The following ELP3 variants were observed in gnomAD, a reference collection of about 807,000 sequenced individuals.
ELP3 encodes the protein elongator acetyltransferase complex subunit 3, also known as elongator complex protein 3.
In ELP3, 56 loss-of-function variants were observed where a neutral mutation model predicts 74.9. That is an observed-to-expected ratio of 0.75 (90% CI 0.60 to 0.93). ELP3 has a LOEUF of 0.93. ELP3 is among the 40% of genes least tolerant of loss of function. The probability of loss-of-function intolerance (pLI) is 0.00; values close to 1 mark genes in which losing one functional copy is unlikely to be tolerated. For synonymous variants in ELP3, 222 were observed against 239.8 expected (o/e 0.93, Z 0.68); for missense variants, 573 against 686.5 (o/e 0.83, Z 1.85).
At chr8:28,146,954 C>T (rs1170447953) in intron 10 of ELP3, among the ~76,000 whole-genome samples, 1 of 152,220 alleles carries the variant, frequency 6.6e-6, no homozygotes, top group Admixed American at 6.5e-5. Context: ...GACTTGTGCT[C>T]TCTGGTAATC....
At chr8:28,163,839 C>T (rs1814201758) in intron 14 of ELP3, among the ~76,000 whole-genome samples, 2 of 152,152 alleles carry the variant, frequency 1.3e-5, no homozygotes, top group African/African-American at 4.8e-5. Flanking sequence ...TACAAATCAC[C>T]TGGAGATCTT....
intron 7 of ELP3, among the ~76,000 whole-genome samples, chr8:28,126,431 G>C (rs1812580253): frequency 6.6e-6 from 1 of 152,174 alleles, no homozygotes; most frequent in South Asian, 2.1e-4. Flanking sequence ...ATGGCATACA[G>C]AAAAGCGTAG....
At chr8:28,154,921 A>G (rs1271945306) in intron 10 of ELP3, among the ~76,000 whole-genome samples, 1 of 151,882 alleles carries the variant, frequency 6.6e-6, no homozygotes, top group Admixed American at 6.6e-5. Flanking sequence ...TTGTATGGCA[A>G]CTCTCCTGGC....
At chr8:28,122,489 A>G (rs1490757670) in intron 7 of ELP3, among the ~76,000 whole-genome samples, 1 of 152,174 alleles carries the variant, frequency 6.6e-6, no homozygotes, top group East Asian at 1.9e-4. Context: ...ATATAGAGCT[A>G]TTCATATTTT....
chr8:28,180,296 G>A (rs1814953279), intron 14 of ELP3, among the ~76,000 whole-genome samples: 1 of 152,094 alleles, frequency 6.6e-6, no homozygotes, highest in Non-Finnish European at 1.5e-5. Flanking sequence ...TATCCACTGT[G>A]TCTAATACCC....
At chr8:28,175,469 T>C (rs188011968) in intron 14 of ELP3, among the ~76,000 whole-genome samples, 1 of 152,340 alleles carries the variant, frequency 6.6e-6, no homozygotes, top group East Asian at 1.9e-4. Flanking sequence ...AGAATTTCTA[T>C]TTTTTAATAT....
intron 9 of ELP3, 98 bp downstream of exon 9, chr8:28,132,502 T>A (rs1812821298): frequency 1.4e-6 from 2 of 1,457,292 alleles, no homozygotes; most frequent in African/African-American, 2.8e-5. Context: ...TTTCCAGTGT[T>A]AAAGAAATGC....
At chr8:28,139,724 T>C (rs972023135) in intron 10 of ELP3, among the ~76,000 whole-genome samples, 2 of 152,044 alleles carry the variant, frequency 1.3e-5, no homozygotes, top group African/African-American at 2.4e-5. Flanking sequence ...GTGGGCGGAT[T>C]ACCTGAGGTC....
At position 28,106,776 on chromosome 8, in the gene ELP3, A is replaced by G; in HGVS notation, c.322A>G (p.Ile108Val). Reference sequence around the variant, plus strand: ...TCCACACATCAGTTTTACAGGAAATATATGTGTGTAAGTATGGTGATTTTA... The same window carrying G: ...TCCACACATCAGTTTTACAGGAAATGTATGTGTGTAAGTATGGTGATTTTA... The part of the protein sequence containing the change: ...RCPHISFTGN[I>V]CVYCPGGPDS... The change falls in exon 4 of 15, where the codon ATA (isoleucine) becomes GTA (valine). Residue 108 changes from isoleucine (I) to valine (V), a missense_variant. Ile to Val is a conservative substitution (Grantham distance 29). Coordinates refer to ENST00000256398, the MANE Select transcript of ELP3 (RefSeq NM_018091.6). 1.9e-6 allele frequency: 3 copies of G among 1,611,544 alleles called. No individual in the cohort carries two copies. The highest frequency in any genetic ancestry group is 2.2e-5 in the East Asian group (1 of 44,860).
chr8:28,110,403 G>A lies in ELP3; in HGVS notation c.427G>A (p.Asp143Asn). The A allele has an allele frequency of 6.2e-7, 1 of 1,613,800 alleles. No individual in the cohort carries two copies. Among genetic ancestry groups the A allele is most frequent in the Non-Finnish European group, 8.5e-7 (1 of 1,179,914 alleles). The change falls in exon 6 of 15, where the codon GAC becomes AAC. Residue 143 changes from aspartate to asparagine, a missense_variant. By Grantham distance (23) the Asp-to-Asn change is conservative. Coordinates refer to ENST00000256398, the MANE Select transcript of ELP3 (RefSeq NM_018091.6). ...CATGAGAGCTATCCGTGCCAGATAT[G>A]ACCCTTTCCTACAGACAAGACACCG... ...TSMRAIRARY[D>N]PFLQTRHRIE...
chr8:28,146,837 A>G (rs1027697674), intron 10 of ELP3, among the ~76,000 whole-genome samples: 1 of 152,256 alleles, frequency 6.6e-6, no homozygotes, highest in South Asian at 2.1e-4. Context: ...CGATACTACC[A>G]AAGACCATTG....
At chr8:28,129,246 G>C (rs113097543) in intron 7 of ELP3, 10 of 361,454 alleles carry the variant, frequency 2.8e-5, no homozygotes, top group Non-Finnish European at 4.6e-5. Flanking sequence ...GCTCAGTCAC[G>C]TCAATCTTAT....
At chr8:28,119,675 A>G (rs1294276054) in intron 7 of ELP3, among the ~76,000 whole-genome samples, 3 of 144,830 alleles carry the variant, frequency 2.1e-5, no homozygotes, top group Non-Finnish European at 1.5e-5. Flanking sequence ...TGACAAATGC[A>G]TATACCTGTG....
At chr8:28,141,907 C>T (rs1813252549) in intron 10 of ELP3, among the ~76,000 whole-genome samples, 1 of 152,184 alleles carries the variant, frequency 6.6e-6, no homozygotes, top group African/African-American at 2.4e-5. Context: ...ATTTCACATC[C>T]AGAAATACCG....
intron 10 of ELP3, among the ~76,000 whole-genome samples, chr8:28,140,471 T>G (rs915128042): frequency 6.6e-6 from 1 of 152,184 alleles, no homozygotes. Context: ...TCTTCATCAT[T>G]CTCAGATTCC....
At chr8:28,180,708 C>G (rs866044315) in intron 14 of ELP3, among the ~76,000 whole-genome samples, 1 of 152,308 alleles carries the variant, frequency 6.6e-6, no homozygotes, top group African/African-American at 2.4e-5. Context: ...TTCCTTTAGC[C>G]AGGCATCTCA....
chr8:28,102,294 C>G (rs1298733025), intron 3 of ELP3, among the ~76,000 whole-genome samples: 2 of 152,204 alleles, frequency 1.3e-5, no homozygotes, highest in African/African-American at 4.8e-5. Context: ...CTTGCTTATT[C>G]ACCTTTCCTG....
chr8:28,112,247 G>T (rs1037905285), intron 6 of ELP3, among the ~76,000 whole-genome samples: 1 of 151,912 alleles, frequency 6.6e-6, no homozygotes, highest in Admixed American at 6.6e-5. Flanking sequence ...TGGTTCAAGC[G>T]ATTCTCTTGC....
intron 14 of ELP3, among the ~76,000 whole-genome samples, chr8:28,184,326 C>G (rs1332808604): frequency 6.6e-6 from 1 of 152,140 alleles, no homozygotes; most frequent in Admixed American, 6.5e-5. Context: ...CATCTCAGGC[C>G]TGCTGCGTCT....
Sources: allele counts gnomAD v4.1 joint callset (sites outside exome capture counted in the v4.1 genomes callset), GRCh38; gene constraint gnomAD v4.1.1; transcripts MANE v1.5; gene names NCBI Gene and HGNC (gene_info 2026-07-23, HGNC 2026-07-21).